Variants in MYO9A observed in about 807,000 individuals in gnomAD.
MYO9A encodes unconventional myosin-IXa.
A neutral mutation model predicts 293.3 loss-of-function variants in MYO9A; 103 were observed. The observed-to-expected ratio is 0.35, with a 90% CI of 0.30 to 0.41. MYO9A has a LOEUF of 0.41. Among genes scored for constraint, MYO9A ranks in the 10% least tolerant of loss-of-function variants. MYO9A has a pLI of 1.00. For missense variants in MYO9A, 2,685 were observed against 3,033.0 expected, an observed-to-expected ratio of 0.89 and a Z score of 2.69; for synonymous variants, 1,001 against 1,035.7, an observed-to-expected ratio of 0.97 and a Z score of 0.64.
rs777969315 is a variant in MYO9A, at chr15:71,898,394, C to T, written c.4109G>A (p.Arg1370Gln). 1.1e-5 allele frequency: 18 copies of T among 1,613,470 alleles called. No homozygotes were observed. Among genetic ancestry groups the T allele is most frequent in the South Asian group, 6.6e-5 (6 of 91,082 alleles). ...ATTTGAGGCACTGAGGGCATTGTCC[C>T]GTGAATCAAATTTTGGACTGCTGGA... ...KISSSPKFDS[R>Q]DNALSASNET... Residue 1370 changes from arginine (R) to glutamine (Q), a missense_variant, in exon 25 of 42, where the codon CGG (arginine) becomes CAG (glutamine). Arg to Gln is a conservative substitution (Grantham distance 43). Coordinates refer to ENST00000356056, the MANE Select transcript of MYO9A (RefSeq NM_006901.4).
chr15:72,009,547 A>G (rs2077114065), intron 7 of MYO9A, among the ~76,000 whole-genome samples: 1 of 148,230 alleles, frequency 6.7e-6, no homozygotes, highest in African/African-American at 2.5e-5. Context: ...CAACATGGCA[A>G]AAAAAAAAAA....
chr15:71,907,753 T>C (rs1453992560), intron 19 of MYO9A, among the ~76,000 whole-genome samples: 4 of 152,200 alleles, frequency 2.6e-5, no homozygotes, highest in Admixed American at 2.6e-4. Context: ...TTTTGAGAAG[T>C]GTCTGTTCAT....
intron 23 of MYO9A, among the ~76,000 whole-genome samples, chr15:71,900,920 G>C (rs2057464712): frequency 1.3e-5 from 2 of 152,028 alleles, no homozygotes; most frequent in African/African-American, 4.8e-5. Context: ...CAAATATTAG[G>C]TAACTCCTTA....
chr15:72,038,600 T>C (rs2078131569), intron 2 of MYO9A, among the ~76,000 whole-genome samples: 1 of 152,008 alleles, frequency 6.6e-6, no homozygotes, highest in East Asian at 1.9e-4. Context: ...AACAACTAAC[T>C]ACACACACAC....
intron 1 of MYO9A, among the ~76,000 whole-genome samples, chr15:72,111,606 A>G (rs896202436): frequency 2.4e-4 from 36 of 151,620 alleles, no homozygotes; most frequent in African/African-American, 8.7e-4. Flanking sequence ...TTTAACTCCA[A>G]TGATAGTCTT....
intron 18 of MYO9A, among the ~76,000 whole-genome samples, chr15:71,917,540 A>G (rs2058044664): frequency 6.6e-6 from 1 of 152,196 alleles, no homozygotes; most frequent in South Asian, 2.1e-4. Flanking sequence ...GTCAAAAACA[A>G]AAAACAAAAA....
At chr15:71,969,348 C>T (rs1189449086) in intron 12 of MYO9A, among the ~76,000 whole-genome samples, 2 of 152,222 alleles carry the variant, frequency 1.3e-5, no homozygotes, top group African/African-American at 4.8e-5. Context: ...ATATAACTTA[C>T]TATTTCAAAC....
At chr15:71,993,466 C>T (rs760009739) in intron 10 of MYO9A, among the ~76,000 whole-genome samples, 6 of 151,536 alleles carry the variant, frequency 4.0e-5, no homozygotes, top group African/African-American at 4.8e-5. Context: ...AATAAAATAG[C>T]GAAAACATGA....
chr15:72,051,342 C>A (rs1467638103), intron 1 of MYO9A, among the ~76,000 whole-genome samples: 1 of 152,196 alleles, frequency 6.6e-6, no homozygotes, highest in Non-Finnish European at 1.5e-5. Flanking sequence ...GGAACCCTGC[C>A]ACCTTCTGAG....
intron 3 of MYO9A, among the ~76,000 whole-genome samples, chr15:72,029,253 C>A (rs1404989078): frequency 1.3e-5 from 2 of 152,158 alleles, no homozygotes; most frequent in Non-Finnish European, 2.9e-5. Context: ...TCAGGGAAAA[C>A]AATTAGTTAC....
Position 71,851,399 on chromosome 15 carries a change from C to A in MYO9A, c.6476-41G>T, listed in dbSNP as rs748953036. Reference sequence around the variant, plus strand: ...GCAGAAACTAAGACTAAATATCCCCCCTTATACAGTGTATCTTCCTCCCAG... The same window carrying A: ...GCAGAAACTAAGACTAAATATCCCCACTTATACAGTGTATCTTCCTCCCAG... On this transcript the variant is annotated intron_variant, in intron 36 of 41. Coordinates refer to ENST00000356056, the MANE Select transcript of MYO9A (RefSeq NM_006901.4). 6.8e-6 allele frequency: 10 copies of A among 1,477,534 alleles called. No homozygotes were observed. In the East Asian group the frequency reaches 2.3e-4, roughly 34 times the overall value. 91.5% of individuals were successfully genotyped at this position (1,477,534 alleles called of 1,614,324 possible).
At chr15:72,027,710 T>C in intron 4 of MYO9A, 21 bp downstream of exon 4, 1 of 1,570,606 alleles carries the variant, frequency 6.4e-7, no homozygotes, top group Non-Finnish European at 8.7e-7. Context: ...TTCATCTAAT[T>C]ACACAAATAA....
At chr15:71,987,449 G>A (rs1245880136) in intron 11 of MYO9A, among the ~76,000 whole-genome samples, 1 of 152,118 alleles carries the variant, frequency 6.6e-6, no homozygotes, top group East Asian at 1.9e-4. Context: ...TGTGTATAAT[G>A]TTACCTTTGC....
At chr15:71,951,669 G>T in intron 15 of MYO9A, 108 bp downstream of exon 15, 1 of 1,277,298 alleles carries the variant, frequency 7.8e-7, no homozygotes, top group Non-Finnish European at 1.1e-6. Flanking sequence ...GAGGTTTATG[G>T]AGGCCATGTT....
chr15:71,996,775 C>T lies in MYO9A; in HGVS notation c.1471-2190G>A, dbSNP rs754555594. ...ATATCATTCTCACTACCGCAGCCTC[C>T]GAACTCATCTCTCTACATCCACTCC... On this transcript the variant is annotated intron_variant, in intron 9 of 41. Coordinates refer to ENST00000356056, the MANE Select transcript of MYO9A (RefSeq NM_006901.4). 5.9e-5 allele frequency among the ~76,000 whole-genome samples: 9 copies of T among 152,116 alleles called. 1 individual carries two copies. Among genetic ancestry groups the T allele is most frequent in the Admixed American group, 3.9e-4 (6 of 15,268 alleles).
intron 1 of MYO9A, among the ~76,000 whole-genome samples, chr15:72,055,082 A>G (rs2078682724): frequency 6.6e-6 from 1 of 152,206 alleles, no homozygotes; most frequent in Non-Finnish European, 1.5e-5. Context: ...TGCTGAAAGA[A>G]AACATATTTT....
chr15:71,998,319 A>C (rs1277641991), intron 9 of MYO9A, among the ~76,000 whole-genome samples: 1 of 152,092 alleles, frequency 6.6e-6, no homozygotes, highest in Non-Finnish European at 1.5e-5. Context: ...GAGGAGGGAG[A>C]GGATCAGGAA....
chr15:71,843,927 T>C (rs1170687632), intron 39 of MYO9A, among the ~76,000 whole-genome samples: 2 of 152,252 alleles, frequency 1.3e-5, no homozygotes, highest in Non-Finnish European at 2.9e-5. Flanking sequence ...TCTGAGACTT[T>C]GTGAGTCCTG....
At chr15:72,108,649 T>C (rs2080659985) in intron 1 of MYO9A, among the ~76,000 whole-genome samples, 1 of 152,156 alleles carries the variant, frequency 6.6e-6, no homozygotes, top group Admixed American at 6.5e-5. Context: ...AATATTAAAT[T>C]AGGGTATTAT....
Sources: gnomAD v4.1 joint callset for allele counts (sites outside exome capture counted in the v4.1 genomes callset) on GRCh38, gnomAD v4.1.1 for gene constraint, MANE v1.5 for transcripts, NCBI Gene and HGNC (gene_info 2026-07-23, HGNC 2026-07-21) for gene names.